TASOR2: variants seen among roughly 807,000 people sequenced by gnomAD.
The protein encoded by TASOR2 is protein TASOR 2.
Under a neutral mutation model 199.5 loss-of-function variants are expected in TASOR2, and 84 were observed. The ratio of observed to expected loss-of-function variants is 0.42; its 90% CI spans 0.35 to 0.50. The LOEUF (loss-of-function observed/expected upper bound fraction) is 0.50, where lower values mean the gene tolerates loss of function less well. Among genes scored for constraint, TASOR2 ranks in the 20% least tolerant of loss-of-function variants. The pLI, the probability that TASOR2 is intolerant of heterozygous loss-of-function variation, is 0.02. For synonymous variants in TASOR2, 1,103 were observed against 1,046.6 expected (o/e 1.05, Z -1.04); for missense variants, 2,796 against 2,835.9 (o/e 0.99, Z 0.32).
rs1244954324 is a variant in TASOR2 at position 5,706,754 on chromosome 10, G to T, written c.-287-6069G>T. Among the ~76,000 whole-genome samples the T allele has an allele frequency of 6.6e-6, 1 of 152,138 alleles. No individual in the cohort carries two copies. Among genetic ancestry groups the T allele is most frequent in the Non-Finnish European group, 1.5e-5 (1 of 68,036 alleles). ...ACGGTGGCTCATGCCTGTAATTCCAGCACTTTGGGAGGCCGAGGTATGCAG... is the reference window on the plus strand; with the variant it reads ...ACGGTGGCTCATGCCTGTAATTCCATCACTTTGGGAGGCCGAGGTATGCAG... On this transcript the variant is annotated intron_variant, in intron 1 of 20. Transcript: ENST00000328090. This position sits in a 1 kb window ranked among gnomAD's most constrained non-coding sequence, Gnocchi z 4.8.
At chr10:5,731,270 C>T in intron 11 of TASOR2, 67 bp downstream of exon 12, 2 of 1,465,860 alleles carry the variant, frequency 1.4e-6, no homozygotes, top group South Asian at 1.3e-5. Context: ...TGGCTCATGC[C>T]TGTAATCCCA....
In TASOR2 at chr10:5,747,447, T is replaced by C. The variant is rs1433373442; in HGVS notation, c.4026T>C (p.Asn1342=). ...GCAGAGAAGTGAGTTCTGCTGACAATGTGTCAGTATATCCCTCAGTGTCAG... is the reference window on the plus strand; with the variant it reads ...GCAGAGAAGTGAGTTCTGCTGACAACGTGTCAGTATATCCCTCAGTGTCAG... Residue 1342 remains asparagine, a synonymous_variant, in exon 15 of 21, where the codon AAT becomes AAC. Coordinates refer to ENST00000328090, the Ensembl canonical transcript of TASOR2. The C allele has an allele frequency of 5.0e-6, 8 of 1,613,936 alleles. No homozygotes were observed. In the East Asian group the frequency reaches 6.7e-5, roughly 13 times the overall value.
chr10:5,716,463 G>A (rs973771118), intron 2 of TASOR2, among the ~76,000 whole-genome samples: 10 of 152,118 alleles, frequency 6.6e-5, no homozygotes, highest in African/African-American at 1.2e-4. Flanking sequence ...TCTAAGGGAC[G>A]TTAAAAGTGA....
intron 14 of TASOR2, among the ~76,000 whole-genome samples, chr10:5,744,706 A>C (rs1026030701): frequency 6.0e-5 from 9 of 150,202 alleles, no homozygotes; most frequent in African/African-American, 2.0e-4. Flanking sequence ...TTTTTTTGAG[A>C]CTGCAGCCTC....
In TASOR2 at chr10:5,698,477, T is replaced by C. The variant is rs527563573; in HGVS notation, c.-288+13302T>C. Among the ~76,000 whole-genome samples the C allele has an allele frequency of 3.9e-5, 6 of 152,348 alleles. No homozygotes were observed. In the South Asian group the frequency reaches 1.2e-3, roughly 32 times the overall value. The stretch of plus-strand genomic sequence containing the variant: ...AAGAGAGAGAAAAACCACAATTTTC[T>C]ACAGACGATATTTTTCAAAACAATA... On this transcript the variant is annotated intron_variant, in intron 1 of 20. Transcript: ENST00000328090. The surrounding 1 kb of genome is among the most constrained non-coding windows in gnomAD (Gnocchi z 4.4).
At chr10:5,712,167 G>C (rs765279557) in intron 1 of TASOR2, 21 of 283,186 alleles carry the variant, frequency 7.4e-5, no homozygotes, top group Non-Finnish European at 3.9e-5. Context: ...AGGTCTGGCA[G>C]GACATATTTT....
At chr10:5,762,046 G>A (rs1351955029) in intron 19 of TASOR2, among the ~76,000 whole-genome samples, 1 of 152,128 alleles carries the variant, frequency 6.6e-6, no homozygotes, top group Non-Finnish European at 1.5e-5. Flanking sequence ...GGAGGCTGAA[G>A]CAGGTGGATC....
At chr10:5,694,794 CAT>C (rs1247160137) in intron 1 of TASOR2, among the ~76,000 whole-genome samples, 1 of 152,170 alleles carries the variant, frequency 6.6e-6, no homozygotes, top group Non-Finnish European at 1.5e-5. Flanking sequence ...GACAGTCTGA[CAT>C]GTGGCTCTCC....
intron 11 of TASOR2, among the ~76,000 whole-genome samples, chr10:5,733,175 T>A (rs79422104): frequency 6.6e-6 from 1 of 152,148 alleles, no homozygotes; most frequent in Non-Finnish European, 1.5e-5. Context: ...AAAAAAAAAT[T>A]ATGTGTAATA....
chr10:5,694,566 G>A (rs754439616), intron 1 of TASOR2, among the ~76,000 whole-genome samples: 20 of 151,994 alleles, frequency 1.3e-4, no homozygotes, highest in Non-Finnish European at 2.6e-4. Context: ...TTTAAGATAT[G>A]GTATATTACA....
intron 1 of TASOR2, among the ~76,000 whole-genome samples, chr10:5,696,069 G>A (rs988229804): frequency 1.4e-4 from 21 of 152,190 alleles, no homozygotes; most frequent in Non-Finnish European, 2.6e-4. Context: ...TGGTTAAGGT[G>A]GGGGTGAAGC....
chr10:5,705,179 T>G (rs1166527643), intron 1 of TASOR2, among the ~76,000 whole-genome samples: 1 of 152,254 alleles, frequency 6.6e-6, no homozygotes, highest in Non-Finnish European at 1.5e-5. Context: ...TGCCCCCTGC[T>G]GTAGGCAACT....
intron 10 of TASOR2, among the ~76,000 whole-genome samples, chr10:5,728,145 C>T (rs1016084852): frequency 4.6e-5 from 7 of 150,848 alleles, no homozygotes; most frequent in Non-Finnish European, 7.4e-5. Context: ...CGCTTGAGCC[C>T]GAGACGTGGA....
intron 1 of TASOR2, 88 bp from the exon 2 acceptor site, chr10:5,712,735 G>A (rs1363440126): frequency 2.6e-6 from 2 of 759,412 alleles, no homozygotes; most frequent in African/African-American, 3.6e-5. Context: ...TTAATGGCAG[G>A]AAGAATTCAA....
rs968781221 is a variant in TASOR2 at position 5,737,704 on chromosome 10, C to A, written c.1448-1914C>A. ...TTCAATTCATCTGACATGTCTTGGT[C>A]CAATCTTTCCAATTTGTAAACATGA... On this transcript the variant is annotated intron_variant, in intron 12 of 20. Transcript: ENST00000328090. This position sits in a 1 kb window ranked among gnomAD's most constrained non-coding sequence, Gnocchi z 4.9. Among the ~76,000 whole-genome samples the A allele has an allele frequency of 6.6e-6, 1 of 152,118 alleles. No individual in the cohort carries two copies. The highest frequency in any genetic ancestry group is 2.4e-5 in the African/African-American group (1 of 41,428).
chr10:5,732,496 G>A (rs539276873), intron 11 of TASOR2, among the ~76,000 whole-genome samples: 48 of 152,332 alleles, frequency 3.2e-4, no homozygotes, highest in African/African-American at 1.1e-3. Flanking sequence ...AAACGTCTAG[G>A]GTATGGTAAT....
chr10:5,755,630 A>T (rs1310818641), intron 15 of TASOR2, among the ~76,000 whole-genome samples: 2 of 152,064 alleles, frequency 1.3e-5, no homozygotes, highest in Non-Finnish European at 2.9e-5. Flanking sequence ...TTATGAAGGA[A>T]ATAAGTGATG....
At position 5,746,747 on chromosome 10, in the gene TASOR2, A is replaced by C. The variant is rs769934990; in HGVS notation, c.3326A>C (p.Asp1109Ala). The C allele has an allele frequency of 1.4e-5, 22 of 1,614,042 alleles. No individual in the cohort carries two copies. In the Admixed American group the frequency reaches 3.3e-4, roughly 24 times the overall value. ...AATGCACGAACACAAGGCCTGAGGG[A>C]CATTCCCTCTCTAGTAGTTGCAGGA... Residue 1109 changes from aspartate to alanine, a missense_variant, in exon 15 of 21, where the codon GAC (aspartate) becomes GCC (alanine). Asp to Ala is a moderately radical substitution (Grantham distance 126, BLOSUM62 -2). This residue lies in a region of TASOR2 where 1,941 missense variants were observed against 1,924.9 expected (regional missense o/e 1.01). Transcript: ENST00000328090.
At chr10:5,749,962 T>C (rs1304942756) in exon 15 of TASOR2, 3 of 1,613,924 alleles carry the variant, frequency 1.9e-6, no homozygotes, top group Middle Eastern at 3.3e-4. Context: ...GAAAGAGGCT[T>C]GTAAAAGTAC....
Sources: gnomAD v4.1 joint callset for allele counts (sites outside exome capture counted in the v4.1 genomes callset) on GRCh38, gnomAD v4.1.1 for gene constraint, gnomAD v4.1.1 regional missense constraint, Gnocchi (gnomAD v3.1) non-coding constraint, MANE v1.5 for transcripts, NCBI Gene and HGNC (gene_info 2026-07-23, HGNC 2026-07-21) for gene names.